The following FBXL5 variants were observed in gnomAD, a reference collection of about 807,000 sequenced individuals.
The protein encoded by FBXL5 is F-box and leucine rich repeat protein 5.
A neutral mutation model predicts 78.3 loss-of-function variants in FBXL5; 26 were observed. The observed-to-expected ratio is 0.33, with a 90% CI of 0.24 to 0.46. FBXL5 has a LOEUF of 0.46. FBXL5 is among the 20% of genes least tolerant of loss of function. FBXL5 has a pLI of 1.00. For missense variants in FBXL5, 710 were observed against 829.2 expected (o/e 0.86, Z 1.77); for synonymous variants, 295 against 282.5 (o/e 1.04, Z -0.45).
At chr4:15,609,959 A>G (rs2148516696) in intron 10 of FBXL5, among the ~76,000 whole-genome samples, 2 of 152,222 alleles carry the variant, frequency 1.3e-5, no homozygotes, top group South Asian at 4.1e-4. Context: ...ACATTTAGTA[A>G]CCTGATAGTT....
intron 9 of FBXL5, among the ~76,000 whole-genome samples, chr4:15,614,923 CA>C (rs1054650434): frequency 3.3e-5 from 5 of 152,140 alleles, no homozygotes; most frequent in African/African-American, 1.2e-4. Context: ...GGGACAGGCG[CA>C]AGTGGGAACC....
At chr4:15,670,765 G>A (rs1247214751) in intron 1 of FBXL5, among the ~76,000 whole-genome samples, 11 of 151,856 alleles carry the variant, frequency 7.2e-5, no homozygotes, top group Non-Finnish European at 1.2e-4. Flanking sequence ...TGCAGACCAT[G>A]GGTTTCTGGT....
chr4:15,644,818 C>T, intron 1 of FBXL5, 110 bp from the exon 2 acceptor site: 1 of 701,220 alleles, frequency 1.4e-6, no homozygotes, highest in Non-Finnish European at 2.3e-6. Flanking sequence ...ACTTCCCTTA[C>T]ACTTGGTTAA....
upstream of FBXL5, among the ~76,000 whole-genome samples, chr4:15,658,803 C>T (rs1717153819): frequency 6.6e-6 from 1 of 152,192 alleles, no homozygotes; most frequent in African/African-American, 2.4e-5. Context: ...TCGATAGCCA[C>T]AGAGGGCTTT....
At chr4:15,650,139 G>A (rs1715811282) in intron 1 of FBXL5, among the ~76,000 whole-genome samples, 1 of 152,154 alleles carries the variant, frequency 6.6e-6, no homozygotes, top group Non-Finnish European at 1.5e-5. Flanking sequence ...ATGTACTACT[G>A]ACACCTAGTG....
chr4:15,636,407 G>T, intron 5 of FBXL5, 87 bp downstream of exon 5: 1 of 1,085,664 alleles, frequency 9.2e-7, no homozygotes. Flanking sequence ...ACCTCTCAGA[G>T]TTTCTCTCTC....
At chr4:15,637,571 T>C (rs1714416853) in intron 4 of FBXL5, among the ~76,000 whole-genome samples, 1 of 152,202 alleles carries the variant, frequency 6.6e-6, no homozygotes, top group South Asian at 2.1e-4. Flanking sequence ...CAATTTGCTT[T>C]GAAGGAGTGG....
intron 1 of FBXL5, among the ~76,000 whole-genome samples, chr4:15,651,254 A>T (rs1313593116): frequency 6.6e-6 from 1 of 152,216 alleles, no homozygotes; most frequent in Admixed American, 6.5e-5. Flanking sequence ...AGAGCTACCA[A>T]TAAGTAGCAG....
upstream of FBXL5, among the ~76,000 whole-genome samples, chr4:15,663,478 C>T (rs896397505): frequency 6.6e-6 from 1 of 152,164 alleles, no homozygotes; most frequent in Non-Finnish European, 1.5e-5. Flanking sequence ...GTTCAAATCT[C>T]AGCTGGTCCA....
intron 1 of FBXL5, among the ~76,000 whole-genome samples, chr4:15,654,092 G>A (rs1390551108): frequency 6.6e-6 from 1 of 152,152 alleles, no homozygotes; most frequent in Non-Finnish European, 1.5e-5. Context: ...TCTTGAGTGT[G>A]GCCTAACAGT....
chr4:15,667,170 T>C (rs1439994831), intron 1 of FBXL5, among the ~76,000 whole-genome samples: 1 of 152,222 alleles, frequency 6.6e-6, no homozygotes, highest in East Asian at 1.9e-4. Flanking sequence ...GGCACCTGAA[T>C]ACACGTCGTA....
rs777971232 is a variant in FBXL5, at chr4:15,636,650, C to T, written c.610G>A (p.Gly204Ser). ...ACCTCAGGAGGAAGATGGGTTATAC[C>T]TGTGGAGTGTTCTGACACTTCTGCT... ...KEAEVSEHST[G>S]ITHLPPEVML... is the part of the protein sequence containing the mutation. The change falls in exon 5 of 11, where the codon GGT becomes AGT. Residue 204 changes from glycine to serine, a missense_variant. Gly to Ser is a moderately conservative substitution (Grantham distance 56). Around this residue, in one of 4 missense-constraint regions of FBXL5, gnomAD observed 517 missense variants for 542.9 expected, o/e 0.95. Coordinates refer to ENST00000341285, the MANE Select transcript of FBXL5 (RefSeq NM_012161.4). 6.2e-7 allele frequency: 1 copy of T among 1,609,698 alleles called. No homozygotes were observed. The highest frequency in any genetic ancestry group is 1.3e-5 in the African/African-American group (1 of 74,882).
chr4:15,626,223 T>C (rs917647455), intron 8 of FBXL5, among the ~76,000 whole-genome samples: 3 of 152,164 alleles, frequency 2.0e-5, no homozygotes, highest in Admixed American at 2.0e-4. Flanking sequence ...GGCGTAAGGA[T>C]TGGAAGACTT....
chr4:15,681,008 A>G (rs921459502), intron 1 of FBXL5, among the ~76,000 whole-genome samples: 1 of 150,836 alleles, frequency 6.6e-6, no homozygotes, highest in African/African-American at 2.4e-5. Flanking sequence ...TTGGTTTGTG[A>G]CAAAGATGCA....
intron 5 of FBXL5, among the ~76,000 whole-genome samples, chr4:15,634,236 G>A (rs1347450863): frequency 6.6e-6 from 1 of 151,982 alleles, no homozygotes; most frequent in African/African-American, 2.4e-5. Context: ...CCGGATTGGA[G>A]TACAGTGATG....
chr4:15,636,975 G>A (rs1271769411), intron 4 of FBXL5, among the ~76,000 whole-genome samples: 2 of 152,150 alleles, frequency 1.3e-5, no homozygotes, highest in Non-Finnish European at 2.9e-5. Flanking sequence ...TCACTTTGTA[G>A]CATTAAGCAG....
chr4:15,607,814 T>C (rs2148510524), intron 10 of FBXL5, among the ~76,000 whole-genome samples: 1 of 152,338 alleles, frequency 6.6e-6, no homozygotes, highest in Middle Eastern at 3.4e-3. Flanking sequence ...AAAATGGATC[T>C]GATTATCATT....
At chr4:15,680,509 T>C (rs1415667797) in intron 1 of FBXL5, among the ~76,000 whole-genome samples, 4 of 152,040 alleles carry the variant, frequency 2.6e-5, no homozygotes, top group African/African-American at 9.7e-5. Flanking sequence ...CGTCTTTGTA[T>C]TTTTGAAAAA....
upstream of FBXL5, chr4:15,656,359 A>C (rs531057216): frequency 1.3e-5 from 6 of 448,706 alleles, no homozygotes; most frequent in South Asian, 9.3e-5. Flanking sequence ...AGATAGAGAA[A>C]TAGGAGAAAA....
Sources: gnomAD v4.1 joint callset for allele counts (sites outside exome capture counted in the v4.1 genomes callset) on GRCh38, gnomAD v4.1.1 for gene constraint, gnomAD v4.1.1 regional missense constraint, MANE v1.5 for transcripts, NCBI Gene and HGNC (gene_info 2026-07-23, HGNC 2026-07-21) for gene names.